The following MSI2 variants were observed in gnomAD, a reference collection of about 807,000 sequenced individuals.
The protein encoded by MSI2 is musashi RNA binding protein 2.
In MSI2, 17 loss-of-function variants were observed where a neutral mutation model predicts 45.6. The ratio of observed to expected loss-of-function variants is 0.37; its 90% CI spans 0.26 to 0.56. The LOEUF is 0.56. Among genes scored for constraint, MSI2 ranks in the 20% least tolerant of loss-of-function variants. The pLI is 0.77. For synonymous variants in MSI2, 156 were observed against 158.2 expected (o/e 0.99, Z 0.11); for missense variants, 293 against 444.2 (o/e 0.66, Z 3.06).
At chr17:57,539,184 ATTT>A (rs11432676) in intron 7 of MSI2, among the ~76,000 whole-genome samples, 315 of 143,484 alleles carry the variant, frequency 2.2e-3, no homozygotes, top group African/African-American at 7.6e-3. Context: ...TACTTTTTGA[ATTT>A]TTTTTTTTTT....
the MSI2 span, among the ~76,000 whole-genome samples, chr17:57,700,794 C>G: frequency 6.6e-6 from 1 of 152,058 alleles, no homozygotes; most frequent in East Asian, 1.9e-4. Context: ...CCCAGCTACT[C>G]AGGAGGCTGA....
intron 7 of MSI2, among the ~76,000 whole-genome samples, chr17:57,574,536 T>A (rs933400196): frequency 7.2e-5 from 11 of 152,168 alleles, no homozygotes; most frequent in Admixed American, 3.3e-4. Context: ...GTCCCCATGG[T>A]TGAGCCTCTG....
At chr17:57,572,842 T>G (rs902600259) in intron 7 of MSI2, among the ~76,000 whole-genome samples, 8 of 152,288 alleles carry the variant, frequency 5.3e-5, no homozygotes, top group African/African-American at 1.9e-4. Context: ...TGGATTCAGG[T>G]TTCTGTTGTA....
chr17:57,438,304 AG>A (rs1302162232), intron 6 of MSI2, among the ~76,000 whole-genome samples: 1 of 152,090 alleles, frequency 6.6e-6, no homozygotes, highest in Non-Finnish European at 1.5e-5. Context: ...GCCTCCCCCC[AG>A]GGGGAGTTCA....
the MSI2 span, among the ~76,000 whole-genome samples, chr17:57,691,209 ATC>A: frequency 5.1e-5 from 3 of 59,202 alleles, no homozygotes; most frequent in African/African-American, 2.7e-4. Context: ...TCATCTATCT[ATC>A]TATCTATCTA....
At chr17:57,305,220 G>T (rs1225783680) in intron 5 of MSI2, among the ~76,000 whole-genome samples, 1 of 152,102 alleles carries the variant, frequency 6.6e-6, no homozygotes, top group Non-Finnish European at 1.5e-5. Flanking sequence ...AGAAGGGCCC[G>T]AGCATCTGTC....
rs747138470 is a variant in MSI2, at chr17:57,618,834, G to A, written c.652+2750G>A. Among the ~76,000 whole-genome samples, 7 of 152,128 alleles carry A rather than the reference G, an allele frequency of 4.6e-5. No homozygotes were observed. The South Asian group carries it at 6.2e-4, about 14-fold the overall frequency. ...TGGGATTACAGGCGTGAGCCACTGC[G>A]CCCAGCAACGCTGTCTCTTAAAAAA... On this transcript the variant is annotated intron_variant, in intron 9 of 13. Coordinates refer to ENST00000284073, the MANE Select transcript of MSI2 (RefSeq NM_138962.4).
At chr17:57,312,509 T>C (rs556555886) in intron 5 of MSI2, among the ~76,000 whole-genome samples, 17 of 152,234 alleles carry the variant, frequency 1.1e-4, no homozygotes, top group Admixed American at 1.1e-3. Flanking sequence ...TGCTGCAGTT[T>C]CAAGGCTGAC....
rs1389229995 is a variant in MSI2, at chr17:57,537,842, G to A, written c.454+8118G>A. ...GGCAAGAGGGAGCTTGCAAAGCCAG[G>A]GGGAGTTTGGTACCCAGGATGAGCT... On this transcript the variant is annotated intron_variant, in intron 7 of 13. Transcript: ENST00000284073. Among the ~76,000 whole-genome samples, 4 of 152,282 alleles carry A rather than the reference G, an allele frequency of 2.6e-5. No homozygotes were observed. The East Asian group carries it at 7.7e-4, about 29-fold the overall frequency.
At chr17:57,397,204 C>T (rs570293506) in intron 5 of MSI2, among the ~76,000 whole-genome samples, 1 of 152,252 alleles carries the variant, frequency 6.6e-6, no homozygotes, top group East Asian at 1.9e-4. Flanking sequence ...AAGGGCCTAT[C>T]CTAGGAGGAA....
chr17:57,366,783 A>G (rs1054655118), intron 5 of MSI2, among the ~76,000 whole-genome samples: 2 of 152,214 alleles, frequency 1.3e-5, no homozygotes, highest in Non-Finnish European at 2.9e-5. Context: ...TATTTTTGCC[A>G]TAGCGTGGGT....
intron 6 of MSI2, among the ~76,000 whole-genome samples, chr17:57,429,797 G>C (rs1328535079): frequency 6.6e-6 from 1 of 152,026 alleles, no homozygotes; most frequent in Non-Finnish European, 1.5e-5. Context: ...TCTCATCCTG[G>C]AGAACCAGCA....
At chr17:57,523,927 A>C (rs1434745860) in intron 6 of MSI2, among the ~76,000 whole-genome samples, 1 of 152,206 alleles carries the variant, frequency 6.6e-6, no homozygotes, top group Non-Finnish European at 1.5e-5. Flanking sequence ...GGCCACAAGA[A>C]TGCTGTGTAA....
At chr17:57,493,930 G>A (rs2085925490) in intron 6 of MSI2, among the ~76,000 whole-genome samples, 1 of 152,124 alleles carries the variant, frequency 6.6e-6, no homozygotes, top group African/African-American at 2.4e-5. Flanking sequence ...CTGGCCCTCT[G>A]CAGAAGTTAA....
intron 5 of MSI2, among the ~76,000 whole-genome samples, chr17:57,318,528 C>T (rs1198970351): frequency 2.6e-5 from 4 of 151,598 alleles, no homozygotes; most frequent in Admixed American, 6.6e-5. Context: ...GGGAATGGGC[C>T]GGAGAAATTG....
chr17:57,468,581 G>A (rs1369832545), intron 6 of MSI2, among the ~76,000 whole-genome samples: 1 of 151,018 alleles, frequency 6.6e-6, no homozygotes, highest in Non-Finnish European at 1.5e-5. Flanking sequence ...AATACATGTA[G>A]CATTTATTGT....
chr17:57,442,535 T>C (rs945342470), intron 6 of MSI2, among the ~76,000 whole-genome samples: 1 of 151,474 alleles, frequency 6.6e-6, no homozygotes, highest in African/African-American at 2.4e-5. Context: ...CAGTTAGCCA[T>C]CTCCCCTCCC....
At chr17:57,292,533 T>C (rs981753469) in intron 5 of MSI2, among the ~76,000 whole-genome samples, 11 of 152,112 alleles carry the variant, frequency 7.2e-5, no homozygotes, top group African/African-American at 2.7e-4. Flanking sequence ...CAGCCAGTAC[T>C]TCCATCAGAA....
chr17:57,524,863 G>C (rs2086664594), intron 6 of MSI2, among the ~76,000 whole-genome samples: 1 of 152,214 alleles, frequency 6.6e-6, no homozygotes, highest in Non-Finnish European at 1.5e-5. Context: ...CCTCTGCCCA[G>C]TGTCTTTAAC....
Sources: allele counts gnomAD v4.1 joint callset (sites outside exome capture counted in the v4.1 genomes callset), GRCh38; gene constraint gnomAD v4.1.1; transcripts MANE v1.5; gene names NCBI Gene and HGNC (gene_info 2026-07-23, HGNC 2026-07-21).